Variants in EXOC4 observed in about 807,000 individuals in gnomAD.
EXOC4 encodes exocyst complex component 4, also known as SEC8-like 1.
EXOC4 carries 71 observed loss-of-function variants against 107.2 expected under a neutral mutation model. The ratio of observed to expected loss-of-function variants is 0.66; its 90% CI spans 0.55 to 0.81. EXOC4 has a LOEUF of 0.81. Ranked by LOEUF, EXOC4 falls within the 30% of genes least tolerant of loss-of-function variation. EXOC4 has a pLI of 0.00. For missense variants in EXOC4, 1,108 were observed against 1,189.6 expected, an observed-to-expected ratio of 0.93 and a Z score of 1.01; for synonymous variants, 456 against 441.2, an observed-to-expected ratio of 1.03 and a Z score of -0.42.
intron 7 of EXOC4, among the ~76,000 whole-genome samples, chr7:133,403,019 G>A (rs911176683): frequency 6.6e-6 from 1 of 151,708 alleles, no homozygotes; most frequent in African/African-American, 2.4e-5. Flanking sequence ...CGAGTAGCTG[G>A]GATTACAGGC....
At chr7:133,919,088 GA>G (rs1368573798) in intron 13 of EXOC4, among the ~76,000 whole-genome samples, 4 of 152,094 alleles carry the variant, frequency 2.6e-5, no homozygotes, top group Non-Finnish European at 4.4e-5. Context: ...CATGATTCTT[GA>G]AAGTGCATGT....
intron 13 of EXOC4, among the ~76,000 whole-genome samples, chr7:133,936,555 T>C (rs1458884129): frequency 6.6e-5 from 10 of 152,236 alleles, no homozygotes; most frequent in Non-Finnish European, 2.9e-5. Flanking sequence ...TCCAGGTGCC[T>C]ATTTCAACCT....
intron 11 of EXOC4, among the ~76,000 whole-genome samples, chr7:133,845,380 A>T (rs778065834): frequency 4.2e-5 from 6 of 143,086 alleles, no homozygotes; most frequent in Non-Finnish European, 7.4e-5. Flanking sequence ...AAAATACAAT[A>T]TTATATATAA....
rs147922960 is a variant in EXOC4 at position 133,687,130 on chromosome 7, T to C, written c.1514+56989T>C. 7.2e-4 allele frequency among the ~76,000 whole-genome samples: 110 copies of C among 152,116 alleles called. 1 individual carries two copies. The East Asian group carries it at 0.016, about 22-fold the overall frequency. On this transcript the variant is annotated intron_variant, in intron 10 of 17. Coordinates refer to ENST00000253861, the MANE Select transcript of EXOC4 (RefSeq NM_021807.4). ...ACCTTCATGAAACTTGAGACTATTA[T>C]TGTAAGTGAAGTAACTCAGGAATGG...
intron 10 of EXOC4, among the ~76,000 whole-genome samples, chr7:133,650,965 AATGGGC>A (rs1803135560): frequency 3.3e-5 from 1 of 30,598 alleles, no homozygotes; most frequent in Non-Finnish European, 8.5e-5. Flanking sequence ...TTTTTTTTGG[AATGGGC>A]ATTTATTGTG....
intron 11 of EXOC4, among the ~76,000 whole-genome samples, chr7:133,863,877 C>A (rs76876319): frequency 0.015 from 2,354 of 152,182 alleles, 61 homozygotes; most frequent in African/African-American, 0.053. Flanking sequence ...GAGCTTTGAG[C>A]AAACAGATTT....
intron 6 of EXOC4, among the ~76,000 whole-genome samples, chr7:133,364,892 A>C (rs754652333): frequency 4.9e-4 from 74 of 152,184 alleles, no homozygotes; most frequent in Admixed American, 5.9e-4. Flanking sequence ...TGGTGCAATT[A>C]AGATTAGAAG....
chr7:133,976,104 A>G (rs756319002), intron 14 of EXOC4, among the ~76,000 whole-genome samples: 5 of 152,232 alleles, frequency 3.3e-5, no homozygotes, highest in Non-Finnish European at 5.9e-5. Flanking sequence ...TGTTGGAGAC[A>G]CTAAAGCCTA....
intron 7 of EXOC4, among the ~76,000 whole-genome samples, chr7:133,472,133 C>G (rs533569817): frequency 2.0e-5 from 3 of 152,182 alleles, no homozygotes; most frequent in African/African-American, 7.2e-5. Flanking sequence ...GAATAAGATA[C>G]GCTTGGAAAT....
chr7:133,988,819 G>T (rs994063745), intron 14 of EXOC4, among the ~76,000 whole-genome samples: 2 of 152,102 alleles, frequency 1.3e-5, no homozygotes, highest in Admixed American at 6.5e-5. Flanking sequence ...AAAGAAAGTG[G>T]TAAGAGATGG....
At chr7:133,659,599 T>C (rs894687601) in intron 10 of EXOC4, among the ~76,000 whole-genome samples, 11 of 152,202 alleles carry the variant, frequency 7.2e-5, no homozygotes, top group Non-Finnish European at 4.4e-5. Flanking sequence ...GGGGTTCTTA[T>C]TGTAAGTGTG....
At chr7:133,607,082 C>T (rs1358882759) in intron 9 of EXOC4, among the ~76,000 whole-genome samples, 1 of 152,172 alleles carries the variant, frequency 6.6e-6, no homozygotes, top group Non-Finnish European at 1.5e-5. Context: ...TTGTCACAGC[C>T]TGGCTTCTAT....
chr7:133,398,135 A>G (rs1001497888), intron 7 of EXOC4, among the ~76,000 whole-genome samples: 1 of 152,178 alleles, frequency 6.6e-6, no homozygotes, highest in African/African-American at 2.4e-5. Context: ...TGGAAAAAAA[A>G]TATGCAGAGA....
intron 9 of EXOC4, among the ~76,000 whole-genome samples, chr7:133,612,304 G>A (rs959524195): frequency 6.6e-6 from 1 of 152,148 alleles, no homozygotes; most frequent in South Asian, 2.1e-4. Context: ...TTACTTGCTG[G>A]TATATAGAAG....
intron 4 of EXOC4, among the ~76,000 whole-genome samples, chr7:133,314,764 T>A (rs1235182139): frequency 2.0e-5 from 3 of 152,194 alleles, no homozygotes; most frequent in African/African-American, 7.2e-5. Context: ...ATAATTGAAT[T>A]TTCCTGCTGA....
At chr7:133,398,746 G>A (rs765197733) in intron 7 of EXOC4, among the ~76,000 whole-genome samples, 15 of 152,114 alleles carry the variant, frequency 9.9e-5, no homozygotes, top group Non-Finnish European at 1.9e-4. Context: ...GGACGAAAGA[G>A]AACTCGATTA....
intron 14 of EXOC4, among the ~76,000 whole-genome samples, chr7:133,982,968 A>T (rs1322861650): frequency 6.6e-6 from 1 of 152,210 alleles, no homozygotes; most frequent in Non-Finnish European, 1.5e-5. Flanking sequence ...TACTATAAAG[A>T]AATACCTGAG....
chr7:133,532,012 G>A (rs1186417339), intron 9 of EXOC4, among the ~76,000 whole-genome samples: 2 of 152,144 alleles, frequency 1.3e-5, no homozygotes, highest in South Asian at 2.1e-4. Flanking sequence ...ATAGCCTGAA[G>A]AAATTTTATA....
intron 6 of EXOC4, among the ~76,000 whole-genome samples, chr7:133,373,749 G>A (rs903351765): frequency 5.9e-5 from 9 of 152,136 alleles, no homozygotes; most frequent in African/African-American, 2.2e-4. Context: ...CACATTGCAA[G>A]ATTTTCTGTA....
Sources: allele counts gnomAD v4.1 joint callset (sites outside exome capture counted in the v4.1 genomes callset), GRCh38; gene constraint gnomAD v4.1.1; transcripts MANE v1.5; gene names NCBI Gene and HGNC (gene_info 2026-07-23, HGNC 2026-07-21).